Variants in OTOGL observed in about 807,000 individuals in gnomAD.
OTOGL encodes the protein otogelin-like protein.
OTOGL carries 285 observed loss-of-function variants against 318.5 expected under a neutral mutation model. That is an observed-to-expected ratio of 0.89 (90% confidence interval 0.81 to 0.99). The LOEUF is 0.99. Among genes scored for constraint, OTOGL ranks in the 50% least tolerant of loss-of-function variants. The pLI is 0.00. For synonymous variants in OTOGL, 987 were observed against 936.5 expected, an observed-to-expected ratio of 1.05 and a Z score of -0.99; for missense variants, 2,899 against 2,845.6, an observed-to-expected ratio of 1.02 and a Z score of -0.43.
chr12:80,343,040 C>A (rs1164552531), intron 44 of OTOGL, among the ~76,000 whole-genome samples: 1 of 152,114 alleles, frequency 6.6e-6, no homozygotes. Flanking sequence ...GGCGACCACG[C>A]CCAGCTGATA....
intron 52 of OTOGL, among the ~76,000 whole-genome samples, chr12:80,360,679 A>C (rs1017140949): frequency 1.3e-5 from 2 of 151,492 alleles, no homozygotes; most frequent in Non-Finnish European, 2.9e-5. Context: ...ACGGGGTTTC[A>C]CCATGTTGGC....
intron 1 of OTOGL, among the ~76,000 whole-genome samples, chr12:80,125,015 T>C (rs1370318914): frequency 6.6e-6 from 1 of 152,318 alleles, no homozygotes; most frequent in East Asian, 1.9e-4. Flanking sequence ...CTTTTCCTAA[T>C]TGAATACCCT....
chr12:80,180,451 T>C (rs1874842526), intron 1 of OTOGL, among the ~76,000 whole-genome samples: 1 of 152,192 alleles, frequency 6.6e-6, no homozygotes, highest in Admixed American at 6.5e-5. Context: ...TCATATGTGG[T>C]CCATAAACTC....
At chr12:80,258,738 A>G (rs1882277175) in intron 18 of OTOGL, among the ~76,000 whole-genome samples, 1 of 152,092 alleles carries the variant, frequency 6.6e-6, no homozygotes, top group East Asian at 1.9e-4. Flanking sequence ...TTTAAGAAAT[A>G]TATCTGGAAT....
Position 80,108,936 on chromosome 12 carries a change from G to GTATATA in OTOGL, c.-20+9344_-20+9349dup, listed in dbSNP as rs199972356. ...TATATGTGTATATATATATGTGTGT[G>GTATATA]TATATATATATATATATACACACAC... On this transcript the variant is annotated intron_variant, in intron 1 of 58. Transcript: ENST00000547103. Among the ~76,000 whole-genome samples the GTATATA allele has an allele frequency of 2.0e-3, 262 of 128,222 alleles. 4 individuals are homozygous for GTATATA. Among genetic ancestry groups the GTATATA allele is most frequent in the African/African-American group, 6.5e-3 (202 of 31,266 alleles). The allele number at this position is 128,222 out of a possible 152,430, so 84.1% of individuals were successfully genotyped here. A position where few individuals can be genotyped will look rare whatever the true frequency, so the allele number is the denominator to read the frequency against.
At chr12:80,217,695 G>C in intron 5 of OTOGL, 31 bp downstream of exon 5, 1 of 1,429,342 alleles carries the variant, frequency 7.0e-7, no homozygotes, top group Non-Finnish European at 9.5e-7. Context: ...TTTCATATTT[G>C]CTTTCTCAGA....
At chr12:80,126,587 G>T (rs1443699449) in intron 1 of OTOGL, among the ~76,000 whole-genome samples, 1 of 151,944 alleles carries the variant, frequency 6.6e-6, no homozygotes, top group Admixed American at 6.6e-5. Flanking sequence ...TCAATTCCTG[G>T]GTATCCTTGT....
chr12:80,324,912 C>A (rs146811589), intron 35 of OTOGL, among the ~76,000 whole-genome samples: 86 of 152,058 alleles, frequency 5.7e-4, no homozygotes, highest in African/African-American at 2.1e-3. Context: ...AGAAACAGTT[C>A]GGAGGAAAGG....
intron 21 of OTOGL, 64 bp downstream of exon 21, chr12:80,266,680 TGAG>T: frequency 6.9e-7 from 1 of 1,441,378 alleles, no homozygotes; most frequent in African/African-American, 1.4e-5. Context: ...ACGGGCTAAA[TGAG>T]CTTTCATGGA....
intron 1 of OTOGL, among the ~76,000 whole-genome samples, chr12:80,178,892 T>C (rs908021574): frequency 2.0e-5 from 3 of 152,224 alleles, no homozygotes; most frequent in African/African-American, 7.2e-5. Flanking sequence ...AATTAAGGAC[T>C]CTTTCATTTT....
chr12:80,103,181 C>T, intron 1 of OTOGL: 1 of 1,366,908 alleles, frequency 7.3e-7, no homozygotes, highest in Non-Finnish European at 1.0e-6. Flanking sequence ...CTTCATCGTC[C>T]TTTCGGATGG....
intron 1 of OTOGL, among the ~76,000 whole-genome samples, chr12:80,101,603 A>G (rs1270005579): frequency 2.6e-5 from 4 of 152,230 alleles, no homozygotes. Flanking sequence ...CATAATAGGG[A>G]ACAGTTTTTA....
chr12:80,253,446 G>A lies in OTOGL; in HGVS notation c.1286-20G>A. On this transcript the variant is annotated intron_variant, in intron 13 of 58. Transcript: ENST00000547103. ...TTATTATTTCTTTTGAAATTTTGAT[G>A]TGTATTTCTTCTCAATTAGGCCTCG... 1.3e-6 allele frequency: 2 copies of A among 1,566,578 alleles called. No individual in the cohort carries two copies. The highest frequency in any genetic ancestry group is 1.1e-5 in the South Asian group (1 of 89,912).
At chr12:80,358,589 A>T (rs1890050023) in intron 50 of OTOGL, 82 bp from the exon 51 acceptor site, 1 of 1,090,252 alleles carries the variant, frequency 9.2e-7, no homozygotes, top group Non-Finnish European at 1.3e-6. Context: ...GCATTATTGT[A>T]ATGGCAGTGA....
intron 48 of OTOGL, 71 bp from the exon 49 acceptor site, chr12:80,356,734 CAA>C: frequency 1.2e-6 from 1 of 830,726 alleles, no homozygotes; most frequent in South Asian, 2.6e-5. Context: ...TTACTAAATT[CAA>C]AGAGAGGTAA....
At chr12:80,252,712 T>C (rs1250889738) in intron 13 of OTOGL, among the ~76,000 whole-genome samples, 2 of 152,134 alleles carry the variant, frequency 1.3e-5, no homozygotes, top group African/African-American at 4.8e-5. Context: ...ATTAAAAAAA[T>C]AGAATCACAG....
intron 25 of OTOGL, 103 bp from the exon 26 acceptor site, chr12:80,278,925 C>A: frequency 7.6e-7 from 1 of 1,322,636 alleles, no homozygotes; most frequent in Non-Finnish European, 1.1e-6. Context: ...GGGATATTGA[C>A]TCATGAATTC....
intron 1 of OTOGL, among the ~76,000 whole-genome samples, chr12:80,156,441 C>G (rs1458508210): frequency 2.6e-5 from 4 of 152,152 alleles, no homozygotes; most frequent in Admixed American, 2.6e-4. Context: ...TTAGTTCTGT[C>G]CCTCTAGAGA....
At chr12:80,268,532 C>T (rs1187862644) in intron 22 of OTOGL, among the ~76,000 whole-genome samples, 1 of 152,104 alleles carries the variant, frequency 6.6e-6, no homozygotes, top group African/African-American at 2.4e-5. Flanking sequence ...TTTATCTCCA[C>T]CTTTTTTCCT....
Sources: allele counts gnomAD v4.1 joint callset (sites outside exome capture counted in the v4.1 genomes callset), GRCh38; gene constraint gnomAD v4.1.1; transcripts MANE v1.5; gene names NCBI Gene and HGNC (gene_info 2026-07-23, HGNC 2026-07-21).